GATAD2A: variants seen among roughly 807,000 people sequenced by gnomAD.
GATAD2A encodes the protein transcriptional repressor p66-alpha.
Under a neutral mutation model 68.5 loss-of-function variants are expected in GATAD2A, and 12 were observed. The observed-to-expected ratio is 0.18, with a 90% CI of 0.11 to 0.28. GATAD2A has a LOEUF of 0.28. GATAD2A is among the 10% of genes least tolerant of loss of function. The pLI is 1.00. For synonymous variants in GATAD2A, 410 were observed against 375.3 expected (o/e 1.09, Z -1.07); for missense variants, 755 against 868.5 (o/e 0.87, Z 1.64).
At chr19:19,457,755 AG>A (rs2057068301) in intron 1 of GATAD2A, among the ~76,000 whole-genome samples, 1 of 151,700 alleles carries the variant, frequency 6.6e-6, no homozygotes, top group South Asian at 2.1e-4. Flanking sequence ...AAAAAAAAAA[AG>A]ATTAACAAAA....
At chr19:19,387,748 C>T (rs1484515595) in intron 1 of GATAD2A, among the ~76,000 whole-genome samples, 1 of 152,184 alleles carries the variant, frequency 6.6e-6, no homozygotes, top group Non-Finnish European at 1.5e-5. Context: ...TCTATTTCTT[C>T]TGGGCCCCCA....
intron 2 of GATAD2A, among the ~76,000 whole-genome samples, chr19:19,490,862 G>A (rs1353083843): frequency 1.3e-5 from 2 of 152,214 alleles, no homozygotes; most frequent in South Asian, 4.1e-4. Flanking sequence ...TCCAGCCTGG[G>A]CGACAGAGCA....
intron 2 of GATAD2A, among the ~76,000 whole-genome samples, chr19:19,474,816 G>A (rs971507608): frequency 2.6e-5 from 4 of 152,222 alleles, no homozygotes; most frequent in African/African-American, 7.2e-5. Flanking sequence ...AGGTGTGGCA[G>A]TCCAGCATAC....
chr19:19,477,077 A>G (rs535581517), intron 2 of GATAD2A, among the ~76,000 whole-genome samples: 3 of 152,216 alleles, frequency 2.0e-5, no homozygotes, highest in African/African-American at 7.2e-5. Context: ...GCTCCACCAT[A>G]GTGTAAAGTC....
intron 1 of GATAD2A, chr19:19,429,356 G>A: frequency 2.6e-6 from 1 of 388,374 alleles, no homozygotes. Context: ...CAAAGGTCTG[G>A]CACGGGGAGT....
At chr19:19,494,887 GACTC>G (rs2060042835) in intron 5 of GATAD2A, among the ~76,000 whole-genome samples, 1 of 152,166 alleles carries the variant, frequency 6.6e-6, no homozygotes, top group Non-Finnish European at 1.5e-5. Flanking sequence ...ACGTTGGTGG[GACTC>G]ACTCAGGAGT....
intron 2 of GATAD2A, among the ~76,000 whole-genome samples, chr19:19,482,452 G>A (rs890398549): frequency 6.6e-6 from 1 of 152,172 alleles, no homozygotes; most frequent in African/African-American, 2.4e-5. Context: ...CAGTCACATG[G>A]GGCCTATCCT....
At chr19:19,494,174 G>T (rs908779140) in intron 4 of GATAD2A, 120 bp from the exon 5 acceptor site, 6 of 595,520 alleles carry the variant, frequency 1.0e-5, no homozygotes, top group Non-Finnish European at 1.8e-5. Flanking sequence ...CTGAGCGCCT[G>T]ATGCCGTAGA....
At chr19:19,388,831 C>T (rs994131715) in intron 1 of GATAD2A, among the ~76,000 whole-genome samples, 1 of 152,094 alleles carries the variant, frequency 6.6e-6, no homozygotes, top group African/African-American at 2.4e-5. Context: ...TCCTTCATCT[C>T]TTCCTGTTGC....
At chr19:19,450,336 C>G (rs977390878) in intron 1 of GATAD2A, among the ~76,000 whole-genome samples, 3 of 152,200 alleles carry the variant, frequency 2.0e-5, no homozygotes, top group Admixed American at 6.5e-5. Context: ...ATGCCCCTCT[C>G]CCTCTGTCAG....
chr19:19,420,004 A>ATTTTTT (rs1399868589), intron 1 of GATAD2A, among the ~76,000 whole-genome samples: 1 of 98,010 alleles, frequency 1.0e-5, no homozygotes, highest in African/African-American at 5.4e-5. Context: ...AACCATCTTG[A>ATTTTTT]CTTTTTTTTT....
intron 1 of GATAD2A, among the ~76,000 whole-genome samples, chr19:19,425,610 G>T (rs1218538494): frequency 6.6e-6 from 1 of 152,134 alleles, no homozygotes; most frequent in Non-Finnish European, 1.5e-5. Flanking sequence ...TCTTGTTCCA[G>T]TTGGGTACCT....
At chr19:19,407,112 A>T (rs1364270208) in intron 1 of GATAD2A, among the ~76,000 whole-genome samples, 1 of 152,184 alleles carries the variant, frequency 6.6e-6, no homozygotes, top group African/African-American at 2.4e-5. Flanking sequence ...GCCCATTCAC[A>T]CAGTGACACC....
chr19:19,459,797 G>A (rs2057264559), intron 1 of GATAD2A, among the ~76,000 whole-genome samples: 1 of 152,232 alleles, frequency 6.6e-6, no homozygotes, highest in African/African-American at 2.4e-5. Context: ...TGATGGAGCT[G>A]AGACCAAGTC....
chr19:19,426,209 C>T (rs1051131018), intron 1 of GATAD2A, among the ~76,000 whole-genome samples: 2 of 152,132 alleles, frequency 1.3e-5, no homozygotes, highest in Non-Finnish European at 2.9e-5. Context: ...CATACCCAGC[C>T]GTGGGTCCAT....
At chr19:19,444,016 G>C (rs2055404027) in intron 1 of GATAD2A, among the ~76,000 whole-genome samples, 1 of 152,120 alleles carries the variant, frequency 6.6e-6, no homozygotes, top group African/African-American at 2.4e-5. Context: ...GGAAGTGTTA[G>C]CAATAAAGTG....
chr19:19,501,396 C>G lies in GATAD2A; in HGVS notation c.1483C>G (p.Pro495Ala). 2 of 1,602,612 alleles carry G rather than the reference C, an allele frequency of 1.2e-6. No homozygotes were observed. Among genetic ancestry groups the G allele is most frequent in the Non-Finnish European group, 1.7e-6 (2 of 1,175,384 alleles). The change falls in exon 9 of 12, where the codon CCA becomes GCA. Residue 495 changes from proline to alanine, a missense_variant. By Grantham distance (27) the Pro-to-Ala change is conservative. Transcript: ENST00000683918. ...AQAKAEPTAA[P>A]HPVLKQVIKP... The stretch of plus-strand genomic sequence containing the variant: ...GGCCAAGGCCGAGCCCACCGCTGCC[C>G]CACACCCCGTGCTGAAGCAGGTGAG...
In GATAD2A at chr19:19,454,728, G is replaced by GCGCC. The variant is rs566507943; in HGVS notation, c.-6-10611_-6-10610insGCCC. Among the ~76,000 whole-genome samples, 251 of 121,682 alleles carry GCGCC rather than the reference G, an allele frequency of 2.1e-3. 2 individuals are homozygous for GCGCC. The highest frequency in any genetic ancestry group is 8.3e-3 in the African/African-American group (238 of 28,716). 79.8% of individuals were successfully genotyped at this position (121,682 alleles called of 152,430 possible). On this transcript the variant is annotated intron_variant, in intron 1 of 11. Coordinates refer to ENST00000683918, the MANE Select transcript of GATAD2A (RefSeq NM_001384528.1). ...TGGGATTACAGGTGTGAGCCACTGT[G>GCGCC]CCCCCCCCCACCCCCTTAGGTTTCT...
intron 1 of GATAD2A, among the ~76,000 whole-genome samples, chr19:19,432,613 T>C (rs1242932197): frequency 6.6e-6 from 1 of 152,224 alleles, no homozygotes; most frequent in Non-Finnish European, 1.5e-5. Context: ...ACAGTCGTTT[T>C]TTAAAGGTCG....
Sources: allele counts gnomAD v4.1 joint callset (sites outside exome capture counted in the v4.1 genomes callset), GRCh38; gene constraint gnomAD v4.1.1; transcripts MANE v1.5; gene names NCBI Gene and HGNC (gene_info 2026-07-23, HGNC 2026-07-21).